Variants in CTNNA2 observed in about 807,000 individuals in gnomAD.
CTNNA2 encodes the protein catenin alpha 2.
A neutral mutation model predicts 101.0 loss-of-function variants in CTNNA2; 42 were observed. The observed-to-expected ratio is 0.42, with a 90% CI of 0.32 to 0.54. CTNNA2 has a LOEUF of 0.54. Among genes scored for constraint, CTNNA2 ranks in the 20% least tolerant of loss-of-function variants. The probability of loss-of-function intolerance (pLI) is 0.14; values close to 1 mark genes in which losing one functional copy is unlikely to be tolerated. For missense variants in CTNNA2, 871 were observed against 1,223.1 expected, an observed-to-expected ratio of 0.71 and a Z score of 4.29; for synonymous variants, 450 against 456.4, an observed-to-expected ratio of 0.99 and a Z score of 0.18.
chr2:79,299,146 G>A (rs992218682), intron 2 of CTNNA2, among the ~76,000 whole-genome samples: 5 of 152,150 alleles, frequency 3.3e-5, no homozygotes, highest in Admixed American at 6.5e-5. Context: ...CAGCAAGTCA[G>A]GAGTGGAGTA....
intron 1 of CTNNA2, among the ~76,000 whole-genome samples, chr2:79,564,095 C>T (rs1674960667): frequency 6.6e-6 from 1 of 152,124 alleles, no homozygotes; most frequent in Non-Finnish European, 1.5e-5. Flanking sequence ...GTATCACCTA[C>T]TTTCAGCATT....
At chr2:80,543,582 G>C (rs940882896) in intron 9 of CTNNA2, among the ~76,000 whole-genome samples, 1 of 152,108 alleles carries the variant, frequency 6.6e-6, no homozygotes, top group African/African-American at 2.4e-5. Flanking sequence ...ATCTTTAAAA[G>C]TATTCTATCA....
At chr2:79,251,983 G>A (rs1262312867) in intron 2 of CTNNA2, among the ~76,000 whole-genome samples, 2 of 152,206 alleles carry the variant, frequency 1.3e-5, no homozygotes, top group African/African-American at 4.8e-5. Context: ...ATAATACACA[G>A]TCTCAGCTCT....
intron 3 of CTNNA2, among the ~76,000 whole-genome samples, chr2:79,356,345 T>C (rs1025938540): frequency 6.6e-6 from 1 of 152,168 alleles, no homozygotes; most frequent in Non-Finnish European, 1.5e-5. Flanking sequence ...TAAATTCTTA[T>C]TACTATAACC....
At chr2:80,045,303 C>A (rs971592904) in intron 7 of CTNNA2, among the ~76,000 whole-genome samples, 2 of 152,132 alleles carry the variant, frequency 1.3e-5, no homozygotes, top group Non-Finnish European at 2.9e-5. Context: ...AAAAAGTGAG[C>A]CATGTTTTAA....
intron 2 of CTNNA2, among the ~76,000 whole-genome samples, chr2:79,664,170 C>T (rs1266417827): frequency 6.6e-6 from 1 of 152,104 alleles, no homozygotes; most frequent in Non-Finnish European, 1.5e-5. Context: ...AGTATAAATA[C>T]ATTTCTTATA....
chr2:79,926,716 A>G (rs1480573383), intron 7 of CTNNA2, among the ~76,000 whole-genome samples: 1 of 152,020 alleles, frequency 6.6e-6, no homozygotes, highest in Non-Finnish European at 1.5e-5. Flanking sequence ...AATAAAATTT[A>G]GAATTGAACA....
intron 1 of CTNNA2, among the ~76,000 whole-genome samples, chr2:79,559,071 T>G (rs2104113455): frequency 6.6e-6 from 1 of 151,950 alleles, no homozygotes; most frequent in African/African-American, 2.4e-5. Context: ...CTTAAAAAAT[T>G]TTGATGAATG....
At chr2:79,879,142 T>C (rs1683239232) in intron 6 of CTNNA2, among the ~76,000 whole-genome samples, 1 of 152,162 alleles carries the variant, frequency 6.6e-6, no homozygotes, top group Non-Finnish European at 1.5e-5. Context: ...ATGTGTGGTG[T>C]TATTTCTGAG....
chr2:79,282,330 A>G (rs2104339793), intron 2 of CTNNA2, among the ~76,000 whole-genome samples: 2 of 152,154 alleles, frequency 1.3e-5, no homozygotes, highest in Middle Eastern at 6.8e-3. Flanking sequence ...ATATGTATAC[A>G]TGTGCCATGC....
chr2:80,501,111 G>A (rs1687849667), intron 9 of CTNNA2, among the ~76,000 whole-genome samples: 1 of 152,150 alleles, frequency 6.6e-6, no homozygotes, highest in Non-Finnish European at 1.5e-5. Context: ...ATGGAAAACT[G>A]AATAGGTCCA....
intron 16 of CTNNA2, among the ~76,000 whole-genome samples, chr2:80,606,367 AACACACACACACACACACACACACAC>A (rs67402125): frequency 1.1e-4 from 15 of 137,510 alleles, no homozygotes; most frequent in Non-Finnish European, 2.3e-4. Flanking sequence ...AAACACATCA[AACACACACACACACACACACACACAC>A]ACACACACAC....
rs141281828 is a variant in CTNNA2 at position 80,170,372 on chromosome 2, ATCT to A, written c.1057-222830_1057-222828del. On this transcript the variant is annotated intron_variant, in intron 7 of 18. Coordinates refer to ENST00000402739, the MANE Select transcript of CTNNA2 (RefSeq NM_001282597.3). Reference sequence around the variant, plus strand: ...TTCATATTTCTTTCTTTGACAGTTTATCTTCTTCTTCACCCAACCGTCACCTGA... The same window carrying A: ...TTCATATTTCTTTCTTTGACAGTTTATCTTCTTCACCCAACCGTCACCTGA... Among the ~76,000 whole-genome samples the A allele has an allele frequency of 3.1e-3, 467 of 152,186 alleles. 2 individuals carry two copies. The highest frequency in any genetic ancestry group is 4.1e-3 in the Non-Finnish European group (281 of 67,992).
chr2:80,216,287 T>A (rs998700825), intron 7 of CTNNA2, among the ~76,000 whole-genome samples: 1 of 152,190 alleles, frequency 6.6e-6, no homozygotes, highest in African/African-American at 2.4e-5. Flanking sequence ...TCCAGTGAGA[T>A]GAACCTGGTA....
At chr2:80,311,325 G>T (rs541354421) in intron 7 of CTNNA2, among the ~76,000 whole-genome samples, 1 of 152,276 alleles carries the variant, frequency 6.6e-6, no homozygotes, top group South Asian at 2.1e-4. Context: ...CTCAATAGTT[G>T]CTTTGCTGCT....
chr2:79,340,519 G>A (rs1395755331), intron 3 of CTNNA2, among the ~76,000 whole-genome samples: 1 of 152,102 alleles, frequency 6.6e-6, no homozygotes. Flanking sequence ...GGTAGCCAGA[G>A]AACACTTAGA....
At chr2:80,118,911 A>G (rs1701677395) in intron 7 of CTNNA2, among the ~76,000 whole-genome samples, 1 of 152,206 alleles carries the variant, frequency 6.6e-6, no homozygotes, top group South Asian at 2.1e-4. Flanking sequence ...CTTCACCACC[A>G]TCCATCTCAC....
chr2:80,479,012 GT>G (rs140189180), intron 9 of CTNNA2, among the ~76,000 whole-genome samples: 4 of 148,038 alleles, frequency 2.7e-5, no homozygotes, highest in Admixed American at 6.8e-5. Flanking sequence ...ATGAGCATGG[GT>G]TTTTTTTTTA....
At chr2:79,982,753 G>A (rs1006078455) in intron 7 of CTNNA2, among the ~76,000 whole-genome samples, 1 of 151,916 alleles carries the variant, frequency 6.6e-6, no homozygotes, top group Non-Finnish European at 1.5e-5. Context: ...TTCACCTATT[G>A]ATCTCCATTT....
Sources: allele counts gnomAD v4.1 joint callset (sites outside exome capture counted in the v4.1 genomes callset), GRCh38; gene constraint gnomAD v4.1.1; transcripts MANE v1.5; gene names NCBI Gene and HGNC (gene_info 2026-07-23, HGNC 2026-07-21).